OXR1: variants seen among roughly 807,000 people sequenced by gnomAD.
OXR1 encodes oxidation resistance 1.
Under a neutral mutation model 104.6 loss-of-function variants are expected in OXR1, and 41 were observed. The ratio of observed to expected loss-of-function variants is 0.39; its 90% CI spans 0.31 to 0.51. The LOEUF is 0.51. OXR1 is among the 20% of genes least tolerant of loss of function. OXR1 has a pLI of 0.77. For synonymous variants in OXR1, 348 were observed against 348.4 expected (o/e 1.00, Z 0.01); for missense variants, 955 against 1,031.9 (o/e 0.93, Z 1.02).
At chr8:106,414,125 G>A (rs560014630) in intron 2 of OXR1, among the ~76,000 whole-genome samples, 1 of 151,994 alleles carries the variant, frequency 6.6e-6, no homozygotes, top group African/African-American at 2.4e-5. Flanking sequence ...TATAAATAAG[G>A]ATCTAAGGAG....
At chr8:106,367,312 C>T (rs2130363783) in intron 2 of OXR1, among the ~76,000 whole-genome samples, 1 of 152,182 alleles carries the variant, frequency 6.6e-6, no homozygotes, top group South Asian at 2.1e-4. Flanking sequence ...ATCTGCCCGC[C>T]TTGGCCTCCC....
At chr8:106,401,484 C>T (rs1817999541) in intron 2 of OXR1, among the ~76,000 whole-genome samples, 1 of 152,136 alleles carries the variant, frequency 6.6e-6, no homozygotes, top group Non-Finnish European at 1.5e-5. Context: ...AGGGATCTGA[C>T]AAAGGCCTGG....
At chr8:106,481,834 GC>G (rs1192245577) in intron 2 of OXR1, among the ~76,000 whole-genome samples, 7 of 151,980 alleles carry the variant, frequency 4.6e-5, no homozygotes, top group African/African-American at 1.7e-4. Context: ...GTATTCTGTA[GC>G]ATCTTCCACC....
intron 1 of OXR1, among the ~76,000 whole-genome samples, chr8:106,281,515 GTT>G (rs1812280887): frequency 6.6e-6 from 1 of 152,152 alleles, no homozygotes; most frequent in African/African-American, 2.4e-5. Context: ...GATTAAGACA[GTT>G]ATATGCCAGG....
At chr8:106,696,207 G>A (rs1352358918) in intron 7 of OXR1, among the ~76,000 whole-genome samples, 1 of 152,024 alleles carries the variant, frequency 6.6e-6, no homozygotes, top group Non-Finnish European at 1.5e-5. Flanking sequence ...GTGTCATATA[G>A]TTGGAATCAT....
chr8:106,288,291 C>A (rs374353614), intron 1 of OXR1, among the ~76,000 whole-genome samples: 1 of 152,156 alleles, frequency 6.6e-6, no homozygotes, highest in Non-Finnish European at 1.5e-5. Flanking sequence ...GCATGTGGAA[C>A]ATTGCCGACA....
At chr8:106,724,438 C>T (rs1292416645) in intron 11 of OXR1, among the ~76,000 whole-genome samples, 1 of 152,108 alleles carries the variant, frequency 6.6e-6, no homozygotes, top group East Asian at 1.9e-4. Flanking sequence ...TTATGTTTGC[C>T]TGACACTGTA....
chr8:106,484,939 G>A (rs1319142831), intron 2 of OXR1, among the ~76,000 whole-genome samples: 3 of 151,912 alleles, frequency 2.0e-5, no homozygotes, highest in African/African-American at 7.2e-5. Context: ...ATATCCTTCA[G>A]TAGATAAATG....
At chr8:106,442,904 ATCT>A (rs575760906) in intron 2 of OXR1, among the ~76,000 whole-genome samples, 37 of 150,574 alleles carry the variant, frequency 2.5e-4, no homozygotes, top group Non-Finnish European at 3.6e-4. Flanking sequence ...TCATGTCTCT[ATCT>A]TCTTCTTTTC....
At chr8:106,334,747 T>C (rs1393421262) in intron 1 of OXR1, among the ~76,000 whole-genome samples, 1 of 152,166 alleles carries the variant, frequency 6.6e-6, no homozygotes, top group Non-Finnish European at 1.5e-5. Context: ...GCTATTTTCA[T>C]TTTTGCTGGG....
At chr8:106,540,769 T>C (rs1814893567) in intron 3 of OXR1, among the ~76,000 whole-genome samples, 1 of 152,202 alleles carries the variant, frequency 6.6e-6, no homozygotes, top group Admixed American at 6.6e-5. Context: ...ACATGGATGG[T>C]GGCAGGCAAA....
chr8:106,740,237 T>G, intron 13 of OXR1, 106 bp from the exon 14 acceptor site: 1 of 701,524 alleles, frequency 1.4e-6, no homozygotes, highest in Admixed American at 2.8e-5. Flanking sequence ...TTAATTTATT[T>G]TTATAGCCTA....
At chr8:106,689,508 A>G (rs1343439444) in intron 6 of OXR1, among the ~76,000 whole-genome samples, 1 of 152,038 alleles carries the variant, frequency 6.6e-6, no homozygotes, top group Non-Finnish European at 1.5e-5. Context: ...AAACCATAAC[A>G]TTGCCTCATA....
chr8:106,562,390 A>T (rs1303273678), intron 3 of OXR1, among the ~76,000 whole-genome samples: 1 of 152,158 alleles, frequency 6.6e-6, no homozygotes, highest in Non-Finnish European at 1.5e-5. Flanking sequence ...GATCAACTTA[A>T]TGAAATAAAG....
At chr8:106,474,453 G>T (rs1450122523) in intron 2 of OXR1, among the ~76,000 whole-genome samples, 2 of 151,744 alleles carry the variant, frequency 1.3e-5, no homozygotes, top group Non-Finnish European at 2.9e-5. Context: ...GTAGACAAAT[G>T]ATAGCTGCAA....
chr8:106,683,814 T>C (rs1301007990), intron 5 of OXR1, among the ~76,000 whole-genome samples: 2 of 152,250 alleles, frequency 1.3e-5, no homozygotes, highest in African/African-American at 2.4e-5. Flanking sequence ...ATCATACTTA[T>C]TTAAAGCATT....
chr8:106,600,798 A>G (rs560893577), intron 3 of OXR1, among the ~76,000 whole-genome samples: 17 of 152,154 alleles, frequency 1.1e-4, no homozygotes, highest in Non-Finnish European at 1.9e-4. Context: ...GCTTGCCATT[A>G]GCATTGGTTC....
intron 2 of OXR1, among the ~76,000 whole-genome samples, chr8:106,380,209 A>T (rs1207005623): frequency 6.6e-6 from 1 of 152,010 alleles, no homozygotes; most frequent in Non-Finnish European, 1.5e-5. Flanking sequence ...ATTATATCAT[A>T]CATATCATAC....
chr8:106,706,622 A>G lies in OXR1; in HGVS notation c.1101A>G (p.Ser367=), dbSNP rs1668709663. 2.5e-6 allele frequency: 4 copies of G among 1,613,302 alleles called. No homozygotes were observed. Among genetic ancestry groups the G allele is most frequent in the Admixed American group, 1.7e-5 (1 of 59,806 alleles). Residue 367 remains serine (S), a synonymous_variant, in exon 9 of 17, where the codon TCA becomes TCG. Transcript: ENST00000517566. ...AAGATAAATCTTCTGGTGCGTCATC[A>G]GAATCTGTGCAAACTGTCAATCAGG... ...LRQDKSSGAS[S]ESVQTVNQAE... is the part of the protein sequence containing the mutation.
Sources: allele counts gnomAD v4.1 joint callset (sites outside exome capture counted in the v4.1 genomes callset), GRCh38; gene constraint gnomAD v4.1.1; transcripts MANE v1.5; gene names NCBI Gene and HGNC (gene_info 2026-07-23, HGNC 2026-07-21).